Variants in IQSEC1 observed in about 807,000 individuals in gnomAD.
IQSEC1 encodes the protein IQ motif and SEC7 domain-containing protein 1.
Under a neutral mutation model 91.0 loss-of-function variants are expected in IQSEC1, and 31 were observed. The ratio of observed to expected loss-of-function variants is 0.34; its 90% CI spans 0.26 to 0.46. The LOEUF is 0.46. Ranked by LOEUF, IQSEC1 falls within the 20% of genes least tolerant of loss-of-function variation. IQSEC1 has a pLI of 1.00. For synonymous variants in IQSEC1, 699 were observed against 662.6 expected, an observed-to-expected ratio of 1.05 and a Z score of -0.84; for missense variants, 1,388 against 1,575.6, an observed-to-expected ratio of 0.88 and a Z score of 2.02.
chr3:13,277,106 T>TA (rs4034193), intron 1 of IQSEC1, among the ~76,000 whole-genome samples: 497 of 35,974 alleles, frequency 0.014, 42 homozygotes, highest in African/African-American at 0.017. Flanking sequence ...TGCTCCTCCT[T>TA]AAAAAAAAAA....
intron 1 of IQSEC1, among the ~76,000 whole-genome samples, chr3:13,274,165 C>A (rs1695635682): frequency 1.3e-5 from 2 of 152,140 alleles, no homozygotes; most frequent in Admixed American, 1.3e-4. Context: ...GCCCTGCAGC[C>A]CATCCGTGAA....
At chr3:12,947,072 A>T (rs1699227028) in intron 1 of IQSEC1, among the ~76,000 whole-genome samples, 1 of 152,244 alleles carries the variant, frequency 6.6e-6, no homozygotes, top group Non-Finnish European at 1.5e-5. Flanking sequence ...GAAGCAGTAT[A>T]ACAGTATGCT....
chr3:13,044,281 G>A (rs552196537), intron 1 of IQSEC1, among the ~76,000 whole-genome samples: 1 of 152,356 alleles, frequency 6.6e-6, no homozygotes, highest in Admixed American at 6.5e-5. Flanking sequence ...TGGGGAGAGA[G>A]TGCCAGCATC....
rs1451086090 is a variant in IQSEC1 at position 13,071,163 on chromosome 3, T to TG, written c.23+1828_23+1829insC. Among the ~76,000 whole-genome samples the TG allele has an allele frequency of 1.8e-3, 221 of 122,708 alleles. 3 individuals carry two copies. Among genetic ancestry groups the TG allele is most frequent in the African/African-American group, 6.4e-3 (212 of 33,274 alleles). The allele number at this position is 122,708 out of a possible 152,430, so 80.5% of individuals were successfully genotyped here. A position where few individuals can be genotyped will look rare whatever the true frequency, so the allele number is the denominator to read the frequency against. ...ACACAGTTTTTTTTTGTTTTTTTTT[T>TG]TTTGTTTGTTTCTTTAACTGCTCCT... On this transcript the variant is annotated intron_variant, in intron 1 of 13. Transcript: ENST00000613206.
chr3:13,136,645 A>G (rs358386), intron 2 of IQSEC1, among the ~76,000 whole-genome samples: 90,300 of 152,050 alleles, frequency 0.59, 27,049 homozygotes, highest in Admixed American at 0.64. Context: ...AAACAGGGAC[A>G]GCAAATGACC....
At chr3:12,945,935 T>C (rs1347792384) in intron 1 of IQSEC1, among the ~76,000 whole-genome samples, 3 of 152,258 alleles carry the variant, frequency 2.0e-5, no homozygotes, top group Non-Finnish European at 4.4e-5. Flanking sequence ...ATTTTCTGGC[T>C]GAACTCGTAA....
At chr3:13,181,612 G>T (rs1216590199) in intron 1 of IQSEC1, among the ~76,000 whole-genome samples, 1 of 152,216 alleles carries the variant, frequency 6.6e-6, no homozygotes, top group Non-Finnish European at 1.5e-5. Context: ...AGTCTAGCCA[G>T]GTAGACAGAC....
rs1191438634 is a variant in IQSEC1, at chr3:13,103,233, C to G, written c.303-55711G>C. Among the ~76,000 whole-genome samples, 1 of 152,136 alleles carries G rather than the reference C, an allele frequency of 6.6e-6. No homozygotes were observed. The highest frequency in any genetic ancestry group is 1.5e-5 in the Non-Finnish European group (1 of 68,024). ...TCCCTAAGCCAGAGCTGTCTGCTTG[C>G]TCAGATATCATCAGCTTCCCATTAA... is the stretch of plus-strand genomic sequence containing the variant. On this transcript the variant is annotated intron_variant, in intron 2 of 15. Coordinates refer to the IQSEC1 transcript ENST00000648114. This position sits in a 1 kb window ranked among gnomAD's most constrained non-coding sequence, Gnocchi z 4.1.
chr3:13,220,070 G>C (rs1373956584), intron 1 of IQSEC1, among the ~76,000 whole-genome samples: 3 of 152,262 alleles, frequency 2.0e-5, no homozygotes, highest in African/African-American at 7.2e-5. Flanking sequence ...CCCGTCACAG[G>C]CTCCTGCTGG....
At chr3:13,254,865 G>A (rs996025734) in intron 1 of IQSEC1, among the ~76,000 whole-genome samples, 10 of 152,156 alleles carry the variant, frequency 6.6e-5, no homozygotes, top group Non-Finnish European at 2.9e-5. Context: ...GCTTTCCCAG[G>A]CCGCAGAGTT....
intron 1 of IQSEC1, among the ~76,000 whole-genome samples, chr3:12,961,371 A>T (rs1012074886): frequency 1.3e-5 from 2 of 152,228 alleles, no homozygotes; most frequent in Admixed American, 1.3e-4. Context: ...TCCCAGCCCA[A>T]CTGCAAGCTG....
chr3:12,906,875 G>C (rs991022282), intron 12 of IQSEC1, among the ~76,000 whole-genome samples: 1 of 152,200 alleles, frequency 6.6e-6, no homozygotes, highest in African/African-American at 2.4e-5. Flanking sequence ...GGAGGCTCTA[G>C]CCCACAGCCT....
intron 1 of IQSEC1, among the ~76,000 whole-genome samples, chr3:13,262,001 G>A (rs772302658): frequency 6.6e-6 from 1 of 152,196 alleles, no homozygotes; most frequent in Non-Finnish European, 1.5e-5. Flanking sequence ...CTGTAAGAGC[G>A]TGAAGCCATT....
intron 2 of IQSEC1, among the ~76,000 whole-genome samples, chr3:12,937,291 C>G (rs1698290545): frequency 1.3e-5 from 2 of 152,206 alleles, no homozygotes; most frequent in Admixed American, 6.5e-5. Flanking sequence ...TGTCTTGGGT[C>G]ACAGAAGCCC....
intron 12 of IQSEC1, among the ~76,000 whole-genome samples, chr3:12,904,722 C>T (rs1694781204): frequency 6.6e-6 from 1 of 152,202 alleles, no homozygotes. Context: ...CCCCTAACGC[C>T]TGGGACTCCT....
At chr3:12,902,680 A>AAAAAAAAAAAAAAAAAAAAG in intron 13 of IQSEC1, 93 bp downstream of exon 13, 1 of 623,084 alleles carries the variant, frequency 1.6e-6, no homozygotes, top group East Asian at 3.2e-5. Context: ...CAAAAAAAAA[A>AAAAAAAAAAAAAAAAAAAAG]AAAAAAAAAA....
At chr3:13,279,090 C>G (rs979038250) in intron 1 of IQSEC1, among the ~76,000 whole-genome samples, 1 of 152,198 alleles carries the variant, frequency 6.6e-6, no homozygotes. Flanking sequence ...ATCGGCCCCA[C>G]CCCTGCTCCC....
At chr3:13,124,062 A>T (rs556413414) in intron 2 of IQSEC1, among the ~76,000 whole-genome samples, 1 of 152,242 alleles carries the variant, frequency 6.6e-6, no homozygotes, top group South Asian at 2.1e-4. Flanking sequence ...CATAACCGGC[A>T]GGCATGGTGT....
rs1160400012 is a variant in IQSEC1 at position 13,211,440 on chromosome 3, G to T, written c.273-47307C>A. ...CCCCCACGGGCCCCCTCTGCCCCCTGCCCCAGGTCACCTTACAAACAAAGA... is the reference window on the plus strand; with the variant it reads ...CCCCCACGGGCCCCCTCTGCCCCCTTCCCCAGGTCACCTTACAAACAAAGA... On this transcript the variant is annotated intron_variant, in intron 1 of 15. Coordinates refer to the IQSEC1 transcript ENST00000648114. This position sits in a 1 kb window ranked among gnomAD's most constrained non-coding sequence, Gnocchi z 5.3. Among the ~76,000 whole-genome samples the T allele has an allele frequency of 6.6e-6, 1 of 150,450 alleles. No individual in the cohort carries two copies. Among genetic ancestry groups the T allele is most frequent in the African/African-American group, 2.5e-5 (1 of 40,738 alleles).
Sources: allele counts gnomAD v4.1 joint callset (sites outside exome capture counted in the v4.1 genomes callset), GRCh38; gene constraint gnomAD v4.1.1; non-coding constraint Gnocchi (gnomAD v3.1); transcripts MANE v1.5; gene names NCBI Gene and HGNC (gene_info 2026-07-23, HGNC 2026-07-21).